The following TNS1 variants were observed in gnomAD, a reference collection of about 807,000 sequenced individuals.
The protein encoded by TNS1 is tensin-1.
In TNS1, 62 loss-of-function variants were observed where a neutral mutation model predicts 168.6. The observed-to-expected ratio is 0.37, with a 90% confidence interval of 0.30 to 0.45. The LOEUF is 0.45. Among genes scored for constraint, TNS1 ranks in the 20% least tolerant of loss-of-function variants. TNS1 has a pLI of 1.00. For missense variants in TNS1, 2,240 were observed against 2,339.4 expected (o/e 0.96, Z 0.88); for synonymous variants, 934 against 933.2 (o/e 1.00, Z -0.02).
chr2:217,889,349 G>A (rs1047427085), intron 12 of TNS1, among the ~76,000 whole-genome samples: 16 of 152,340 alleles, frequency 1.1e-4, no homozygotes, highest in Admixed American at 3.9e-4. Flanking sequence ...AAGCAAGGTG[G>A]GATGATGGGG....
In TNS1 at chr2:217,869,854, C is replaced by T. The variant is rs558989562; in HGVS notation, c.1429+11044G>A. 2.6e-4 allele frequency among the ~76,000 whole-genome samples: 39 copies of T among 152,236 alleles called. 1 individual carries two copies. Among genetic ancestry groups the T allele is most frequent in the Middle Eastern group, 3.4e-3 (1 of 294 alleles). On this transcript the variant is annotated intron_variant, in intron 18 of 32. Transcript: ENST00000682258. ...AGCTCCTGGGAGCAGCAGGGACCCCCGGGGAACACCAGCCCCTCCCTTGGC... is the reference window on the plus strand; with the variant it reads ...AGCTCCTGGGAGCAGCAGGGACCCCTGGGGAACACCAGCCCCTCCCTTGGC...
chr2:217,993,390 CAA>C (rs1958413815), intron 1 of TNS1, among the ~76,000 whole-genome samples: 1 of 152,182 alleles, frequency 6.6e-6, no homozygotes, highest in Non-Finnish European at 1.5e-5. Flanking sequence ...ATCAAGTGAT[CAA>C]AGTTAACATC....
Position 217,822,754 on chromosome 2 carries a change from G to A in TNS1, c.3374-816C>T, listed in dbSNP as rs990091527. Among the ~76,000 whole-genome samples the A allele has an allele frequency of 4.6e-5, 7 of 152,202 alleles. No individual in the cohort carries two copies. In the East Asian group the frequency reaches 5.8e-4, roughly 13 times the overall value. On this transcript the variant is annotated intron_variant, in intron 22 of 32. Coordinates refer to ENST00000682258, the MANE Select transcript of TNS1 (RefSeq NM_001387777.1). ...AAGGATGGATGCTGAGGCCCGACAA[G>A]GGAAATGACTAGGTCCCCAGATGGC...
At chr2:218,019,104 AT>A (rs1485851990) in intron 1 of TNS1, among the ~76,000 whole-genome samples, 2 of 152,244 alleles carry the variant, frequency 1.3e-5, no homozygotes, top group East Asian at 1.9e-4. Context: ...CAAAAAAAAA[AT>A]AAAGGAATTA....
rs766658294 is a variant in TNS1 at position 217,891,027 on chromosome 2, G to A, written c.801C>T (p.Asp267=). Reference sequence around the variant, plus strand: ...CATAGAACCGCTTCATTGCAAACCGGTCCAGAGCCTGGTCCGCACTGCAGG... The same window carrying A: ...CATAGAACCGCTTCATTGCAAACCGATCCAGAGCCTGGTCCGCACTGCAGG... ...NISASADQAL[D]RFAMKRFYED... Residue 267 remains aspartate, a synonymous_variant, in exon 12 of 33, where the codon GAC becomes GAT. Coordinates refer to ENST00000682258, the MANE Select transcript of TNS1 (RefSeq NM_001387777.1). 5 of 1,614,174 alleles carry A rather than the reference G, an allele frequency of 3.1e-6. No individual in the cohort carries two copies. In the East Asian group the frequency reaches 8.9e-5, roughly 29 times the overall value.
intron 18 of TNS1, among the ~76,000 whole-genome samples, chr2:217,874,503 A>AG (rs1950049616): frequency 6.6e-6 from 1 of 152,158 alleles, no homozygotes; most frequent in Non-Finnish European, 1.5e-5. Context: ...AGAACCAGAG[A>AG]GGGGAAGTAA....
rs1363823706 is a variant in TNS1 at position 217,907,198 on chromosome 2, G to T, written c.270+12C>A. 1 of 702,810 alleles carries T rather than the reference G, an allele frequency of 1.4e-6. No homozygotes were observed. Among genetic ancestry groups the T allele is most frequent in the Non-Finnish European group, 2.6e-6 (1 of 384,850 alleles). The allele number at this position is 702,810 out of a possible 1,614,324, so 43.5% of individuals were successfully genotyped here. A position where few individuals can be genotyped will look rare whatever the true frequency, so the allele number is the denominator to read the frequency against. ...TGTTCCAGCTCCCCCACCACCACCT[G>T]CCATCACTCACCTTGTCCACTACAT... On this transcript the variant is annotated intron_variant, in intron 5 of 32. Coordinates refer to ENST00000682258, the MANE Select transcript of TNS1 (RefSeq NM_001387777.1).
Position 217,891,002 on chromosome 2 carries a change from C to T in TNS1, c.826G>A (p.Glu276Lys), listed in dbSNP as rs767947576. Residue 276 changes from glutamate to lysine, a missense_variant, in exon 12 of 33, where the codon GAG becomes AAG. This residue lies in a region of TNS1 where 2,131 missense variants were observed against 2,171.2 expected (regional missense o/e 0.98). Coordinates refer to ENST00000682258, the MANE Select transcript of TNS1 (RefSeq NM_001387777.1). The stretch of plus-strand genomic sequence containing the variant: ...TGGCCAATGGGCACAATCTTATCCT[C>T]ATAGAACCGCTTCATTGCAAACCGG... The part of the protein sequence containing the change: ...LDRFAMKRFY[E>K]DKIVPIGQPS... 4 of 1,614,256 alleles carry T rather than the reference C, an allele frequency of 2.5e-6. No individual in the cohort carries two copies. The South Asian group carries it at 3.3e-5, about 13-fold the overall frequency.
intron 1 of TNS1, among the ~76,000 whole-genome samples, chr2:218,031,942 A>G (rs568616520): frequency 6.6e-6 from 1 of 152,314 alleles, no homozygotes; most frequent in South Asian, 2.1e-4. Context: ...CTCCCGCCCC[A>G]TCCACAAGCA....
chr2:217,893,515 T>A lies in TNS1; in HGVS notation c.641A>T (p.Lys214Met). ...WPDLHTPALE[K>M]ICSICKAMDT... is the part of the protein sequence containing the mutation. Reference sequence around the variant, plus strand: ...CATGGCCTTACAGATGCTGCAGATCTTCTCCAGGGCTGGGGTGTGGAGGTC... The same window carrying A: ...CATGGCCTTACAGATGCTGCAGATCATCTCCAGGGCTGGGGTGTGGAGGTC... The change falls in exon 10 of 33, where the codon AAG becomes ATG. Residue 214 changes from lysine (K) to methionine (M), a missense_variant. This residue lies in a region of TNS1 where 2,131 missense variants were observed against 2,171.2 expected (regional missense o/e 0.98). Coordinates refer to ENST00000682258, the MANE Select transcript of TNS1 (RefSeq NM_001387777.1). 1 of 1,613,498 alleles carries A rather than the reference T, an allele frequency of 6.2e-7. No individual in the cohort carries two copies. Among genetic ancestry groups the A allele is most frequent in the Non-Finnish European group, 8.5e-7 (1 of 1,179,796 alleles).
intron 19 of TNS1, among the ~76,000 whole-genome samples, chr2:217,838,621 T>TGGCC (rs1945495292): frequency 1.3e-5 from 2 of 152,206 alleles, no homozygotes; most frequent in Non-Finnish European, 2.9e-5. Flanking sequence ...AGAGCACCAA[T>TGGCC]GGCCCCATGG....
intron 3 of TNS1, among the ~76,000 whole-genome samples, chr2:217,950,065 A>G (rs982456502): frequency 1.1e-4 from 17 of 152,232 alleles, no homozygotes; most frequent in Non-Finnish European, 2.1e-4. Context: ...ACTCTACTCC[A>G]CCAGACACCA....
intron 19 of TNS1, chr2:217,842,078 A>G (rs1454565605): frequency 1.6e-5 from 11 of 702,916 alleles, no homozygotes; most frequent in Non-Finnish European, 1.8e-5. Context: ...AAGCTGCTCC[A>G]TGCCAGTTCC....
intron 19 of TNS1, 29 bp from the exon 20 acceptor site, chr2:217,836,240 A>G: frequency 6.3e-7 from 1 of 1,581,998 alleles, no homozygotes; most frequent in Non-Finnish European, 8.6e-7. Flanking sequence ...GTAGAGGACA[A>G]TGAGCATTTT....
intron 1 of TNS1, among the ~76,000 whole-genome samples, chr2:218,000,883 G>A (rs2105977105): frequency 6.6e-6 from 1 of 152,290 alleles, no homozygotes; most frequent in Admixed American, 6.5e-5. Context: ...CAGGCGCAGT[G>A]GCTCACACCT....
Position 217,831,463 on chromosome 2 carries a change from G to A in TNS1, c.3365C>T (p.Pro1122Leu), listed in dbSNP as rs1486638838. Residue 1122 changes from proline (P) to leucine (L), a missense_variant, in exon 22 of 33, where the codon CCC becomes CTC. Physicochemically the swap from Pro to Leu is moderately conservative, Grantham distance 98. Transcript: ENST00000682258. ...CCCTCTTCCCAACTCACCTCCTGTG[G>A]GGTGCAACAGGATGTCCGCTGGGTT... is the stretch of plus-strand genomic sequence containing the variant. ...PHNPADILLH[P>L]TGEPRSYVES... The A allele has an allele frequency of 1.3e-6, 2 of 1,585,394 alleles. No homozygotes were observed. The highest frequency in any genetic ancestry group is 1.1e-5 in the South Asian group (1 of 87,180).
intron 22 of TNS1, among the ~76,000 whole-genome samples, chr2:217,829,333 C>T (rs1944068653): frequency 6.6e-6 from 1 of 151,986 alleles, no homozygotes; most frequent in Non-Finnish European, 1.5e-5. Flanking sequence ...TGCAGTGAGC[C>T]GAGATCGTGC....
At chr2:217,994,609 C>T (rs1196972273) in intron 1 of TNS1, among the ~76,000 whole-genome samples, 1 of 152,234 alleles carries the variant, frequency 6.6e-6, no homozygotes, top group Non-Finnish European at 1.5e-5. Context: ...AGCAGAGTCT[C>T]CCAGAAGAGA....
chr2:217,857,016 G>GA (rs1948214300), intron 18 of TNS1, among the ~76,000 whole-genome samples: 1 of 152,006 alleles, frequency 6.6e-6, no homozygotes, highest in African/African-American at 2.4e-5. Context: ...CTGAGTCCAA[G>GA]AAAAAAAGAG....
Sources: gnomAD v4.1 joint callset for allele counts (sites outside exome capture counted in the v4.1 genomes callset) on GRCh38, gnomAD v4.1.1 for gene constraint, gnomAD v4.1.1 regional missense constraint, MANE v1.5 for transcripts, NCBI Gene and HGNC (gene_info 2026-07-23, HGNC 2026-07-21) for gene names.